Variants in SERINC3 observed in about 807,000 individuals in gnomAD.
SERINC3 encodes serine incorporator 3, also known as tumor differentially expressed protein 1.
In SERINC3, 22 loss-of-function variants were observed where a neutral mutation model predicts 52.1. That is an observed-to-expected ratio of 0.42 (90% CI 0.30 to 0.60). SERINC3 has a LOEUF of 0.60. Among genes scored for constraint, SERINC3 ranks in the 20% least tolerant of loss-of-function variants. SERINC3 has a pLI of 0.16. For synonymous variants in SERINC3, 226 were observed against 212.7 expected, an observed-to-expected ratio of 1.06 and a Z score of -0.54; for missense variants, 564 against 584.6, an observed-to-expected ratio of 0.96 and a Z score of 0.36.
intron 1 of SERINC3, among the ~76,000 whole-genome samples, chr20:44,521,665 G>A (rs981268223): frequency 1.3e-5 from 2 of 152,266 alleles, no homozygotes; most frequent in Admixed American, 1.3e-4. Context: ...GCCTCGCAGG[G>A]CGGAGCCATC....
chr20:44,501,332 A>C, intron 8 of SERINC3, 32 bp from the exon 9 acceptor site: 1 of 1,575,740 alleles, frequency 6.3e-7, no homozygotes, highest in Non-Finnish European at 8.7e-7. Flanking sequence ...GACAAATCAG[A>C]AAGGGGCCAT....
intron 7 of SERINC3, 34 bp downstream of exon 7, chr20:44,504,763 CTTTT>C (rs1031741475): frequency 6.6e-7 from 1 of 1,513,978 alleles, no homozygotes; most frequent in African/African-American, 1.4e-5. Flanking sequence ...TTCCTACTTT[CTTTT>C]TATCAAATGA....
At chr20:44,510,190 T>C (rs111463504) in intron 4 of SERINC3, among the ~76,000 whole-genome samples, 162 bp from the exon 5 acceptor site, 1 of 152,238 alleles carries the variant, frequency 6.6e-6, no homozygotes, top group South Asian at 2.1e-4. Context: ...TCTTAAAAGC[T>C]TTCTACTGGG....
At position 44,500,066 on chromosome 20, in the gene SERINC3, AT is replaced by A. The variant is rs1234833184; in HGVS notation, c.*229del. The A allele has an allele frequency of 9.5e-6, 4 of 421,706 alleles. No individual in the cohort carries two copies. The highest frequency in any genetic ancestry group is 1.7e-5 in the Non-Finnish European group (4 of 242,136). The allele number at this position is 421,706 out of a possible 1,614,324, so 26.1% of individuals were successfully genotyped here. On this transcript the variant is annotated 3_prime_UTR_variant, in exon 10 of 10. Coordinates refer to ENST00000342374, the MANE Select transcript of SERINC3 (RefSeq NM_006811.4). The stretch of plus-strand genomic sequence containing the variant: ...AGCTGTAGTTCACTTTAAACAAAAA[AT>A]GTTCCCTTTGTGCTATATCCTTAGA...
intron 7 of SERINC3, 36 bp downstream of exon 7, chr20:44,504,759 CTTTCTT>C (rs1486422469): frequency 1.3e-6 from 2 of 1,503,970 alleles, no homozygotes; most frequent in African/African-American, 2.8e-5. Context: ...TGATTTCCTA[CTTTCTT>C]TTTATCAAAT....
At chr20:44,500,920 T>G (rs752924490) in intron 9 of SERINC3, among the ~76,000 whole-genome samples, 153 bp downstream of exon 9, 48 of 152,218 alleles carry the variant, frequency 3.2e-4, no homozygotes, top group Middle Eastern at 6.8e-3. Context: ...TTCCAATGGG[T>G]TTTAAATGCT....
chr20:44,505,170 A>G (rs910855013), intron 6 of SERINC3, among the ~76,000 whole-genome samples: 12 of 152,210 alleles, frequency 7.9e-5, no homozygotes, highest in African/African-American at 2.9e-4. Flanking sequence ...GGTGTAGTGA[A>G]AAGATCTAAG....
chr20:44,510,351 A>G (rs1441956668), intron 4 of SERINC3, among the ~76,000 whole-genome samples: 1 of 152,216 alleles, frequency 6.6e-6, no homozygotes, highest in Non-Finnish European at 1.5e-5. Flanking sequence ...TAAGACAGAG[A>G]TAGGGGAGCA....
In SERINC3 at chr20:44,498,986, T is replaced by G. The variant is rs1272696474; in HGVS notation, c.*1310A>C. On this transcript the variant is annotated 3_prime_UTR_variant, in exon 10 of 10. Coordinates refer to ENST00000342374, the MANE Select transcript of SERINC3 (RefSeq NM_006811.4). ...AGCTAACTTCTAAGAGTTCTTGGCT[T>G]AAATATCATTTTCTCCAGAAAGCCT... The G allele has an allele frequency of 6.6e-6, 1 of 152,192 alleles. No individual in the cohort carries two copies. The highest frequency in any genetic ancestry group is 1.5e-5 in the Non-Finnish European group (1 of 68,034). 9.4% of individuals were successfully genotyped at this position (152,192 alleles called of 1,614,324 possible). A position where few individuals can be genotyped will look rare whatever the true frequency, so the allele number is the denominator to read the frequency against.
At chr20:44,506,281 C>CAAAAAA (rs58316790) in intron 6 of SERINC3, among the ~76,000 whole-genome samples, 12 of 65,810 alleles carry the variant, frequency 1.8e-4, no homozygotes, top group South Asian at 5.2e-4. Context: ...GACTTTGTCT[C>CAAAAAA]AAAAAAAAAA....
chr20:44,501,962 ACAGT>A (rs2064282720), intron 8 of SERINC3, among the ~76,000 whole-genome samples: 1 of 152,234 alleles, frequency 6.6e-6, no homozygotes, highest in Non-Finnish European at 1.5e-5. Context: ...CATGATAAAA[ACAGT>A]CAAAGTAGAA....
In SERINC3 at chr20:44,501,064, G is replaced by A. The variant is rs1311178243; in HGVS notation, c.1283+9C>T. 6.2e-7 allele frequency: 1 copy of A among 1,602,204 alleles called. No homozygotes were observed. The highest frequency in any genetic ancestry group is 8.6e-7 in the Non-Finnish European group (1 of 1,169,392). On this transcript the variant is annotated intron_variant, in intron 9 of 9. Coordinates refer to ENST00000342374, the MANE Select transcript of SERINC3 (RefSeq NM_006811.4). ...ATGGTCTTCTGTCTGTTTTGTCTGT[G>A]TCTCCTACCTGTACCAGCTGGTCAG...
At chr20:44,518,328 A>C (rs1375795850) in intron 1 of SERINC3, among the ~76,000 whole-genome samples, 1 of 151,600 alleles carries the variant, frequency 6.6e-6, no homozygotes, top group South Asian at 2.1e-4. Context: ...CAAAAAAAAA[A>C]AAAAAAAAAA....
At chr20:44,514,941 A>G (rs184045122) in intron 1 of SERINC3, among the ~76,000 whole-genome samples, 21 of 152,336 alleles carry the variant, frequency 1.4e-4, no homozygotes, top group African/African-American at 5.0e-4. Context: ...TTTGTTTGAA[A>G]CTGCTATTAA....
chr20:44,518,799 T>TG (rs1600820768), intron 1 of SERINC3, among the ~76,000 whole-genome samples: 1 of 152,148 alleles, frequency 6.6e-6, no homozygotes, highest in East Asian at 1.9e-4. Context: ...ACCCCATCTC[T>TG]ACTAAAAATA....
chr20:44,504,867 A>G lies in SERINC3; in HGVS notation c.808T>C (p.Leu270=). Residue 270 remains leucine (L), a synonymous_variant, in exon 7 of 10, where the codon TTG becomes CTG. Coordinates refer to ENST00000342374, the MANE Select transcript of SERINC3 (RefSeq NM_006811.4). The stretch of plus-strand genomic sequence containing the variant: ...TAGAGGGTGATGAGGGAGGACTGCA[A>G]GAGGCCGGAGCGAGGCTGGTGTTCC... ...IQEHQPRSGL[L]QSSLITLYTM... The G allele has an allele frequency of 6.2e-7, 1 of 1,613,494 alleles. No homozygotes were observed. The highest frequency in any genetic ancestry group is 1.1e-5 in the South Asian group (1 of 91,012).
At chr20:44,506,705 T>C in intron 6 of SERINC3, 122 bp downstream of exon 6, 1 of 536,700 alleles carries the variant, frequency 1.9e-6, no homozygotes, top group Non-Finnish European at 3.0e-6. Flanking sequence ...ATGAAGACTT[T>C]ATAATATGGA....
At position 44,512,851 on chromosome 20, in the gene SERINC3, G is replaced by A. The variant is rs1455212266; in HGVS notation, c.345C>T (p.Leu115=). Residue 115 remains leucine, a synonymous_variant, in exon 3 of 10, where the codon CTC becomes CTT. Coordinates refer to ENST00000342374, the MANE Select transcript of SERINC3 (RefSeq NM_006811.4). ...CTTTACTTGTTTTTACTTTGAACAT[G>A]AGCAGAGAAAAGACAAAGAAAAAGA... ...MAIFFFVFSL[L]MFKVKTSKDL... is the part of the protein sequence containing the mutation. 1 of 1,577,924 alleles carries A rather than the reference G, an allele frequency of 6.3e-7. No homozygotes were observed. The highest frequency in any genetic ancestry group is 8.6e-7 in the Non-Finnish European group (1 of 1,168,468).
chr20:44,514,083 T>C (rs760680658), intron 1 of SERINC3, 43 bp from the exon 2 acceptor site: 6 of 1,587,522 alleles, frequency 3.8e-6, no homozygotes, highest in South Asian at 3.4e-5. Flanking sequence ...GCCTTCAGTA[T>C]ACTCCTTTAT....
Sources: allele counts gnomAD v4.1 joint callset (sites outside exome capture counted in the v4.1 genomes callset), GRCh38; gene constraint gnomAD v4.1.1; transcripts MANE v1.5; gene names NCBI Gene and HGNC (gene_info 2026-07-23, HGNC 2026-07-21).